The following CAPN11 variants were observed in gnomAD, a reference collection of about 807,000 sequenced individuals.
The protein encoded by CAPN11 is calpain-11.
A neutral mutation model predicts 105.3 loss-of-function variants in CAPN11; 108 were observed. The observed-to-expected ratio is 1.03, with a 90% confidence interval of 0.88 to 1.20. CAPN11 has a LOEUF of 1.20. Ranked by LOEUF, CAPN11 falls within the 50% of genes most tolerant of loss-of-function variation. The pLI is 0.00. For missense variants in CAPN11, 883 were observed against 924.8 expected (o/e 0.95, Z 0.59); for synonymous variants, 329 against 344.5 (o/e 0.96, Z 0.50).
intron 5 of CAPN11, 125 bp from the exon 6 acceptor site, chr6:44,172,815 T>C: frequency 8.7e-7 from 1 of 1,151,000 alleles, no homozygotes; most frequent in Non-Finnish European, 1.2e-6. Context: ...TGGGTTGCCT[T>C]TCCCTCTCTA....
intron 17 of CAPN11, 56 bp downstream of exon 17, chr6:44,180,861 T>C: frequency 3.7e-6 from 6 of 1,606,400 alleles, no homozygotes; most frequent in Non-Finnish European, 5.1e-6. Context: ...GTGCCCCTCT[T>C]GATCACTCCC....
chr6:44,182,786 C>T (rs1414771468), intron 19 of CAPN11, among the ~76,000 whole-genome samples, 155 bp from the exon 20 acceptor site: 1 of 152,156 alleles, frequency 6.6e-6, no homozygotes, highest in African/African-American at 2.4e-5. Flanking sequence ...GTTGGCCAGG[C>T]TGGTCTCAAA....
chr6:44,181,210 G>A (rs982161818), intron 18 of CAPN11, 42 bp from the exon 19 acceptor site: 12 of 1,581,938 alleles, frequency 7.6e-6, no homozygotes, highest in Non-Finnish European at 1.0e-5. Context: ...CCCCTGGGAT[G>A]CCTTCTTCAC....
chr6:44,167,645 C>A lies in CAPN11; in HGVS notation c.88+816C>A, dbSNP rs564311582. On this transcript the variant is annotated intron_variant, in intron 2 of 22. Transcript: ENST00000398776. ...TACCATTTGGCTGGGTGCAGTGGCTCATGCCAGTAATCCCAGCACTTTGGG... is the reference window on the plus strand; with the variant it reads ...TACCATTTGGCTGGGTGCAGTGGCTAATGCCAGTAATCCCAGCACTTTGGG... Among the ~76,000 whole-genome samples, 6 of 151,890 alleles carry A rather than the reference C, an allele frequency of 4.0e-5. No homozygotes were observed. The South Asian group carries it at 1.2e-3, about 32-fold the overall frequency.
chr6:44,177,797 A>C (rs1476523883), intron 12 of CAPN11, among the ~76,000 whole-genome samples: 1 of 150,744 alleles, frequency 6.6e-6, no homozygotes, highest in Non-Finnish European at 1.5e-5. Context: ...GCCTGGCCTC[A>C]CTCCTTTCTC....
rs756157496 is a variant in CAPN11 at position 44,173,315 on chromosome 6, C to A, written c.760C>A (p.Pro254Thr). ...GGCCCAGAGCTTCCAACTCCAGAGG[C>A]CCCCTCAGAACCTGCTCAGGCTCCT... ...GVAQSFQLQR[P>T]PQNLLRLLRK... The change falls in exon 7 of 23, where the codon CCC becomes ACC. Residue 254 changes from proline to threonine, a missense_variant. By Grantham distance (38) the Pro-to-Thr change is conservative. Coordinates refer to ENST00000398776, the MANE Select transcript of CAPN11 (RefSeq NM_007058.4). 21 of 1,613,744 alleles carry A rather than the reference C, an allele frequency of 1.3e-5. No individual in the cohort carries two copies. The highest frequency in any genetic ancestry group is 1.6e-5 in the Non-Finnish European group (19 of 1,179,834).
chr6:44,176,214 C>T (rs751382794), intron 8 of CAPN11, 39 bp from the exon 9 acceptor site: 3 of 1,606,536 alleles, frequency 1.9e-6, no homozygotes, highest in Middle Eastern at 1.7e-4. Context: ...GTCTCCCTGA[C>T]CCCATAACTC....
At chr6:44,159,910 G>A (rs1429244200) in intron 1 of CAPN11, among the ~76,000 whole-genome samples, 3 of 150,784 alleles carry the variant, frequency 2.0e-5, no homozygotes, top group Admixed American at 6.6e-5. Flanking sequence ...CAAGGCAGGT[G>A]GATCATCTGA....
rs1438210406 is a variant in CAPN11 at position 44,177,080 on chromosome 6, C to T, written c.1237+82C>T. 20 of 1,522,378 alleles carry T rather than the reference C, an allele frequency of 1.3e-5. No homozygotes were observed. In the Admixed American group the frequency reaches 1.4e-4, roughly 11 times the overall value. 94.3% of individuals were successfully genotyped at this position (1,522,378 alleles called of 1,614,324 possible). On this transcript the variant is annotated intron_variant, in intron 11 of 22. Transcript: ENST00000398776. Reference sequence around the variant, plus strand: ...TCACCACGAAACCAGACCTGGGGCACGAGTCACCGGAGTCAGGGTCCATGA... The same window carrying T: ...TCACCACGAAACCAGACCTGGGGCATGAGTCACCGGAGTCAGGGTCCATGA...
intron 19 of CAPN11, among the ~76,000 whole-genome samples, chr6:44,182,046 C>CACAA (rs1267283128): frequency 3.3e-5 from 1 of 29,974 alleles, no homozygotes; most frequent in African/African-American, 4.5e-4. Context: ...CCACACCACA[C>CACAA]ACACACATAC....
rs148905466 is a variant in CAPN11 at position 44,160,356 on chromosome 6, G to A, written c.16+1492G>A. Among the ~76,000 whole-genome samples, 472 of 152,308 alleles carry A rather than the reference G, an allele frequency of 3.1e-3. 1 individual carries two copies. The highest frequency in any genetic ancestry group is 4.8e-3 in the Non-Finnish European group (326 of 68,022). On this transcript the variant is annotated intron_variant, in intron 1 of 22. Coordinates refer to ENST00000398776, the MANE Select transcript of CAPN11 (RefSeq NM_007058.4). ...GATCTGGCCGGGCGCAGTGGCTCAC[G>A]CCTGTAATCCCAGCACTTTGGGAGG...
At chr6:44,180,571 T>G (rs767752600) in intron 15 of CAPN11, 26 bp from the exon 16 acceptor site, 4 of 1,613,630 alleles carry the variant, frequency 2.5e-6, no homozygotes, top group Non-Finnish European at 3.4e-6. Flanking sequence ...TCTGACCAGG[T>G]CCCTTTCCTG....
At chr6:44,181,783 C>CCA (rs796967749) in intron 19 of CAPN11, among the ~76,000 whole-genome samples, 2 of 29,344 alleles carry the variant, frequency 6.8e-5, no homozygotes, top group Non-Finnish European at 1.4e-4. Context: ...CACAACCACA[C>CCA]CACACACACA....
intron 20 of CAPN11, 30 bp from the exon 21 acceptor site, chr6:44,183,088 TC>T: frequency 3.1e-6 from 5 of 1,599,254 alleles, no homozygotes; most frequent in Non-Finnish European, 4.3e-6. Flanking sequence ...CCCAGACTTT[TC>T]CCCTCCCCAC....
intron 7 of CAPN11, among the ~76,000 whole-genome samples, chr6:44,174,014 G>A (rs1004994734): frequency 3.3e-5 from 5 of 152,188 alleles, no homozygotes; most frequent in African/African-American, 4.8e-5. Flanking sequence ...CATGAGGGCA[G>A]TGACCTTCTT....
chr6:44,160,485 C>T (rs1033902390), intron 1 of CAPN11, among the ~76,000 whole-genome samples: 1 of 151,966 alleles, frequency 6.6e-6, no homozygotes, highest in African/African-American at 2.4e-5. Flanking sequence ...GGCGTGGTGG[C>T]GGGCGCCTGT....
rs148221052 is a variant in CAPN11 at position 44,184,270 on chromosome 6, T to G, written c.*338T>G. 2.5e-6 allele frequency: 1 copy of G among 397,182 alleles called. No individual in the cohort carries two copies. Among genetic ancestry groups the G allele is most frequent in the Non-Finnish European group, 4.6e-6 (1 of 215,854 alleles). The allele number at this position is 397,182 out of a possible 1,614,324, so 24.6% of individuals were successfully genotyped here. The stretch of plus-strand genomic sequence containing the variant: ...GGGAGGCCAAGAATAGGGAAGGGAC[T>G]TGTAGCCCGTTTCTTACCCTCCATG... On this transcript the variant is annotated 3_prime_UTR_variant, in exon 23 of 23. Transcript: ENST00000398776.
chr6:44,175,929 T>C, intron 7 of CAPN11, 139 bp from the exon 8 acceptor site: 1 of 605,728 alleles, frequency 1.7e-6, no homozygotes, highest in Admixed American at 2.7e-5. Context: ...TCTGCAATTA[T>C]TTCAAAATAA....
Position 44,177,391 on chromosome 6 carries a change from C to T in CAPN11, c.1387C>T (p.Leu463=), listed in dbSNP as rs763925993. 3.1e-6 allele frequency: 5 copies of T among 1,613,642 alleles called. No individual in the cohort carries two copies. Among genetic ancestry groups the T allele is most frequent in the Non-Finnish European group, 2.5e-6 (3 of 1,179,800 alleles). The part of the protein sequence containing the change: ...WRHARQQGAQ[L]QTIGFVLYAV... Reference sequence around the variant, plus strand: ...GCATGCACGGCAGCAGGGAGCCCAGCTGCAGACCATTGGCTTTGTCCTCTA... The same window carrying T: ...GCATGCACGGCAGCAGGGAGCCCAGTTGCAGACCATTGGCTTTGTCCTCTA... The change falls in exon 12 of 23, where the codon CTG becomes TTG. Residue 463 remains leucine, a synonymous_variant. Coordinates refer to ENST00000398776, the MANE Select transcript of CAPN11 (RefSeq NM_007058.4).
Sources: allele counts gnomAD v4.1 joint callset (sites outside exome capture counted in the v4.1 genomes callset), GRCh38; gene constraint gnomAD v4.1.1; transcripts MANE v1.5; gene names NCBI Gene and HGNC (gene_info 2026-07-23, HGNC 2026-07-21).